The following ELMO1 variants were observed in gnomAD, a reference collection of about 807,000 sequenced individuals.
The protein encoded by ELMO1 is engulfment and cell motility 1, also known as engulfment and cell motility protein 1.
Under a neutral mutation model 98.9 loss-of-function variants are expected in ELMO1, and 26 were observed. That is an observed-to-expected ratio of 0.26 (90% CI 0.19 to 0.36). The LOEUF (loss-of-function observed/expected upper bound fraction) is 0.36. Among genes scored for constraint, ELMO1 ranks in the 10% least tolerant of loss-of-function variants. The pLI is 1.00. For missense variants in ELMO1, 627 were observed against 935.2 expected (o/e 0.67, Z 4.30); for synonymous variants, 346 against 346.0 (o/e 1.00, Z 0.00).
intron 5 of ELMO1, among the ~76,000 whole-genome samples, chr7:37,264,008 T>C (rs1796117008): frequency 6.6e-6 from 1 of 152,154 alleles, no homozygotes; most frequent in Non-Finnish European, 1.5e-5. Flanking sequence ...AATGGTGAAA[T>C]AGTCATGACA....
At chr7:37,323,676 G>A (rs1430338384) in intron 2 of ELMO1, among the ~76,000 whole-genome samples, 1 of 152,200 alleles carries the variant, frequency 6.6e-6, no homozygotes, top group Non-Finnish European at 1.5e-5. Flanking sequence ...TCTACCAGCT[G>A]ATTTTCAATC....
chr7:37,442,192 A>T (rs1805439473), intron 1 of ELMO1, among the ~76,000 whole-genome samples: 1 of 152,176 alleles, frequency 6.6e-6, no homozygotes, highest in Admixed American at 6.5e-5. Flanking sequence ...ACAACAAAGG[A>T]TTATCCAGCC....
In ELMO1 at chr7:37,164,927, G is replaced by A. The variant is rs1310424808; in HGVS notation, c.1087-31693C>T. On this transcript the variant is annotated intron_variant, in intron 13 of 21. Transcript: ENST00000310758. ...GCATTGAATCTATAAATTACCTTGG[G>A]CAGTATGGCCATTTTCACAATATTG... Among the ~76,000 whole-genome samples, 7 of 151,426 alleles carry A rather than the reference G, an allele frequency of 4.6e-5. No homozygotes were observed. In the South Asian group the frequency reaches 1.3e-3, roughly 27 times the overall value.
intron 13 of ELMO1, among the ~76,000 whole-genome samples, chr7:37,154,655 G>A (rs992932031): frequency 9.9e-5 from 15 of 152,158 alleles, no homozygotes; most frequent in African/African-American, 3.6e-4. Flanking sequence ...TAAGAAATAC[G>A]GGACTATGTG....
chr7:37,234,004 T>C (rs1794322857), intron 7 of ELMO1, among the ~76,000 whole-genome samples: 1 of 152,214 alleles, frequency 6.6e-6, no homozygotes, highest in Admixed American at 6.5e-5. Context: ...TTAGACAATA[T>C]CCTGGTGTCT....
rs1056835690 is a variant in ELMO1, at chr7:37,424,571, C to G, written c.-74+24104G>C. On this transcript the variant is annotated intron_variant, in intron 1 of 21. Transcript: ENST00000310758. The stretch of plus-strand genomic sequence containing the variant: ...GCAATTGGGCTAGGCCTTAGAGATT[C>G]TGGCACATTAGCAAAATGGCCAAAA... Among the ~76,000 whole-genome samples the G allele has an allele frequency of 5.3e-5, 8 of 152,176 alleles. No individual in the cohort carries two copies. The South Asian group carries it at 1.7e-3, about 31-fold the overall frequency.
chr7:37,245,575 A>C (rs1291690923), intron 6 of ELMO1, among the ~76,000 whole-genome samples: 1 of 152,136 alleles, frequency 6.6e-6, no homozygotes, highest in Non-Finnish European at 1.5e-5. Context: ...TCTTTTAAAA[A>C]ATATTTACTA....
chr7:37,056,767 A>G (rs1244398068), intron 15 of ELMO1, among the ~76,000 whole-genome samples: 1 of 152,112 alleles, frequency 6.6e-6, no homozygotes, highest in African/African-American at 2.4e-5. Context: ...GAGAAATACA[A>G]TGACATACTC....
At chr7:37,110,270 G>A (rs1357157230) in intron 14 of ELMO1, among the ~76,000 whole-genome samples, 1 of 152,130 alleles carries the variant, frequency 6.6e-6, no homozygotes, top group Admixed American at 6.5e-5. Context: ...CTGCCAAGGC[G>A]AAGAGGCCCA....
At chr7:36,906,172 G>A (rs1783943868) in intron 16 of ELMO1, among the ~76,000 whole-genome samples, 1 of 152,200 alleles carries the variant, frequency 6.6e-6, no homozygotes, top group Non-Finnish European at 1.5e-5. Flanking sequence ...ACCCTGGGAG[G>A]AGAGTACAAT....
chr7:36,971,660 T>C (rs1313760609), intron 16 of ELMO1, among the ~76,000 whole-genome samples: 1 of 152,188 alleles, frequency 6.6e-6, no homozygotes, highest in Admixed American at 6.5e-5. Flanking sequence ...CTTTGAAATG[T>C]GTTTGGTCAG....
intron 15 of ELMO1, among the ~76,000 whole-genome samples, chr7:37,017,947 T>C (rs1794038162): frequency 6.6e-6 from 1 of 152,096 alleles, no homozygotes; most frequent in Non-Finnish European, 1.5e-5. Flanking sequence ...TAATTAAATG[T>C]GATGCCCCCT....
In ELMO1 at chr7:37,133,022, C is replaced by T. The variant is rs1787033650; in HGVS notation, c.1191+108G>A. ...TTTTTTTTTAGTTTACTAAGAAAGA[C>T]AGAAAATATGGGGTCACTCATCTAA... On this transcript the variant is annotated intron_variant, in intron 14 of 21. Coordinates refer to ENST00000310758, the MANE Select transcript of ELMO1 (RefSeq NM_014800.11). The T allele has an allele frequency of 2.1e-5, 13 of 626,752 alleles. No homozygotes were observed. In the South Asian group the frequency reaches 6.9e-4, roughly 33 times the overall value. The allele number at this position is 626,752 out of a possible 1,614,324, so 38.8% of individuals were successfully genotyped here. A position where few individuals can be genotyped will look rare whatever the true frequency, so the allele number is the denominator to read the frequency against.
chr7:37,019,518 C>T (rs2129177993), intron 15 of ELMO1, among the ~76,000 whole-genome samples: 1 of 152,298 alleles, frequency 6.6e-6, no homozygotes, highest in Middle Eastern at 3.4e-3. Context: ...CTCTCCCAGG[C>T]TACACGTTTA....
chr7:37,169,789 C>T (rs1420103602), intron 13 of ELMO1, among the ~76,000 whole-genome samples: 4 of 152,206 alleles, frequency 2.6e-5, no homozygotes, highest in East Asian at 3.8e-4. Context: ...AGAGCTTTTG[C>T]TTTTGACTTG....
At chr7:37,429,375 GAGGCTGGCACAGATC>G (rs2131557219) in intron 1 of ELMO1, 1 of 152,406 alleles carries the variant, frequency 6.6e-6, no homozygotes, top group Non-Finnish European at 1.5e-5. Flanking sequence ...GTGGTAGGAA[GAGGCTGGCACAGATC>G]AGGCATCACA....
intron 21 of ELMO1, among the ~76,000 whole-genome samples, chr7:36,861,284 C>A (rs1416848578): frequency 6.6e-6 from 1 of 152,184 alleles, no homozygotes; most frequent in Non-Finnish European, 1.5e-5. Context: ...AGAAAACCTA[C>A]TTCCTCAGAT....
At chr7:37,364,326 AT>A in intron 1 of ELMO1, among the ~76,000 whole-genome samples, 1 of 152,364 alleles carries the variant, frequency 6.6e-6, no homozygotes, top group East Asian at 1.9e-4. Flanking sequence ...ATTCTGCCAA[AT>A]ATGATGTTAA....
intron 16 of ELMO1, among the ~76,000 whole-genome samples, chr7:36,961,920 A>T (rs1288275900): frequency 1.3e-5 from 2 of 152,252 alleles, no homozygotes; most frequent in African/African-American, 2.4e-5. Context: ...GCATTAGCAG[A>T]GAAGCAAAAA....
Sources: allele counts gnomAD v4.1 joint callset (sites outside exome capture counted in the v4.1 genomes callset), GRCh38; gene constraint gnomAD v4.1.1; transcripts MANE v1.5; gene names NCBI Gene and HGNC (gene_info 2026-07-23, HGNC 2026-07-21).